Variants in TNPO1 observed in about 807,000 individuals in gnomAD.
TNPO1 encodes transportin-1.
Under a neutral mutation model 119.5 loss-of-function variants are expected in TNPO1, and 8 were observed. That is an observed-to-expected ratio of 0.07 (90% CI 0.04 to 0.12). The LOEUF (loss-of-function observed/expected upper bound fraction) is 0.12. Ranked by LOEUF, TNPO1 falls within the 10% of genes least tolerant of loss-of-function variation. The probability of loss-of-function intolerance (pLI) is 1.00; values close to 1 mark genes in which losing one functional copy is unlikely to be tolerated. For synonymous variants in TNPO1, 362 were observed against 363.0 expected (o/e 1.00, Z 0.03); for missense variants, 576 against 1,089.8 (o/e 0.53, Z 6.64).
At chr5:72,839,733 G>A (rs1744830471) in intron 1 of TNPO1, among the ~76,000 whole-genome samples, 2 of 152,150 alleles carry the variant, frequency 1.3e-5, no homozygotes, top group South Asian at 4.1e-4. Flanking sequence ...AAGAAATAAT[G>A]GAAATTGCCA....
intron 1 of TNPO1, among the ~76,000 whole-genome samples, chr5:72,826,155 A>T (rs892340841): frequency 2.0e-5 from 3 of 151,926 alleles, no homozygotes; most frequent in African/African-American, 7.3e-5. Context: ...AGATCTTACC[A>T]TCTATGAATA....
chr5:72,886,951 A>G, intron 11 of TNPO1, 119 bp from the exon 12 acceptor site: 1 of 929,376 alleles, frequency 1.1e-6, no homozygotes, highest in Non-Finnish European at 1.5e-6. Context: ...CTCCTATTCA[A>G]TTGAATTCTT....
Position 72,816,761 on chromosome 5 carries a change from C to A in TNPO1, c.15+9C>A, listed in dbSNP as rs1023196074. The A allele has an allele frequency of 1.9e-6, 3 of 1,583,048 alleles. No individual in the cohort carries two copies. The highest frequency in any genetic ancestry group is 8.6e-7 in the Non-Finnish European group (1 of 1,166,816). Reference sequence around the variant, plus strand: ...GGATGGTGTGGGACCGGGTAGGTGGCGTGAGGGTGCGCGGCCCCGAACTGC... The same window carrying A: ...GGATGGTGTGGGACCGGGTAGGTGGAGTGAGGGTGCGCGGCCCCGAACTGC... On this transcript the variant is annotated intron_variant, in intron 1 of 24. Coordinates refer to ENST00000337273, the MANE Select transcript of TNPO1 (RefSeq NM_002270.4).
intron 1 of TNPO1, among the ~76,000 whole-genome samples, chr5:72,843,614 C>T (rs2112224876): frequency 6.6e-6 from 1 of 151,326 alleles, no homozygotes; most frequent in Middle Eastern, 3.4e-3. Flanking sequence ...AAAACAAACC[C>T]AAAAAACAAA....
At chr5:72,843,593 C>CAAA (rs35891028) in intron 1 of TNPO1, among the ~76,000 whole-genome samples, 1 of 118,908 alleles carries the variant, frequency 8.4e-6, no homozygotes. Flanking sequence ...GATTCCGTCT[C>CAAA]AAAAAAAAAA....
At chr5:72,900,621 T>G (rs935222767) in intron 21 of TNPO1, among the ~76,000 whole-genome samples, 2 of 152,218 alleles carry the variant, frequency 1.3e-5, no homozygotes, top group Admixed American at 1.3e-4. Flanking sequence ...CAAATCATTT[T>G]AGTAGTGTTT....
intron 9 of TNPO1, chr5:72,878,930 T>C (rs1309148474): frequency 3.9e-6 from 2 of 508,776 alleles, no homozygotes; most frequent in Non-Finnish European, 8.0e-6. Flanking sequence ...GCAGGAAGAT[T>C]GCTTTGAAAT....
At chr5:72,880,431 C>T (rs1383857828) in intron 9 of TNPO1, among the ~76,000 whole-genome samples, 2 of 152,046 alleles carry the variant, frequency 1.3e-5, no homozygotes, top group Non-Finnish European at 2.9e-5. Flanking sequence ...GTGGATTTTC[C>T]ATGTGAAACA....
rs1353386460 is a variant in TNPO1, at chr5:72,914,197, T to G, written c.*5524T>G. The G allele has an allele frequency of 1.3e-5, 2 of 152,636 alleles. No homozygotes were observed. Among genetic ancestry groups the G allele is most frequent in the African/African-American group, 4.8e-5 (2 of 41,462 alleles). The allele number at this position is 152,636 out of a possible 1,614,324, so 9.5% of individuals were successfully genotyped here. On this transcript the variant is annotated 3_prime_UTR_variant, in exon 25 of 25. Transcript: ENST00000337273. Reference sequence around the variant, plus strand: ...TGTGCTAACAGATCTCCATTTTAAATAGAATACGGTTTTAATTTTTGATAA... The same window carrying G: ...TGTGCTAACAGATCTCCATTTTAAAGAGAATACGGTTTTAATTTTTGATAA...
At chr5:72,848,361 T>C in intron 1 of TNPO1, 24 bp from the exon 2 acceptor site, 1 of 1,605,640 alleles carries the variant, frequency 6.2e-7, no homozygotes, top group Non-Finnish European at 8.5e-7. Context: ...CTCCGTCTCT[T>C]CCTGTGTCTG....
chr5:72,825,884 C>T (rs1344847719), intron 1 of TNPO1: 2 of 152,164 alleles, frequency 1.3e-5, no homozygotes, highest in East Asian at 3.9e-4. Context: ...TATAGCAACC[C>T]GAATGGACTA....
rs139566032 is a variant in TNPO1 at position 72,844,789 on chromosome 5, T to A, written c.16-3596T>A. 2.0e-3 allele frequency among the ~76,000 whole-genome samples: 304 copies of A among 152,300 alleles called. 3 individuals are homozygous for A. Among genetic ancestry groups the A allele is most frequent in the African/African-American group, 7.1e-3 (294 of 41,576 alleles). On this transcript the variant is annotated intron_variant, in intron 1 of 24. Coordinates refer to ENST00000337273, the MANE Select transcript of TNPO1 (RefSeq NM_002270.4). ...TGGTCAGTTGAGTCCATATCTCCAG[T>A]CTGCTTTTTAAACTATATTTTACAG...
At chr5:72,880,741 G>A (rs1310915854) in intron 9 of TNPO1, among the ~76,000 whole-genome samples, 1 of 150,938 alleles carries the variant, frequency 6.6e-6, no homozygotes, top group Non-Finnish European at 1.5e-5. Flanking sequence ...GCTTGAACCC[G>A]GGAAGTGGAG....
At chr5:72,876,125 G>C (rs753109361) in intron 8 of TNPO1, among the ~76,000 whole-genome samples, 1 of 152,194 alleles carries the variant, frequency 6.6e-6, no homozygotes, top group Non-Finnish European at 1.5e-5. Context: ...AGTCAGGCGG[G>C]ACTGATTGAA....
rs1355287097 is a variant in TNPO1 at position 72,906,177 on chromosome 5, G to A, written c.*35+732G>A. Among the ~76,000 whole-genome samples, 8 of 146,970 alleles carry A rather than the reference G, an allele frequency of 5.4e-5. No homozygotes were observed. In the South Asian group the frequency reaches 1.5e-3, roughly 28 times the overall value. ...GTAACAAGGACTTTTCATTTCACGT[G>A]CTTTGAAAGAAAACTCAGTTGGGTT... On this transcript the variant is annotated intron_variant, in intron 24 of 24. Coordinates refer to ENST00000337273, the MANE Select transcript of TNPO1 (RefSeq NM_002270.4).
chr5:72,889,177 C>T (rs1334439934), intron 13 of TNPO1, among the ~76,000 whole-genome samples: 2 of 152,116 alleles, frequency 1.3e-5, no homozygotes, highest in Admixed American at 6.6e-5. Flanking sequence ...CCTGCCTCTG[C>T]CTCCTGAGTA....
intron 1 of TNPO1, among the ~76,000 whole-genome samples, chr5:72,840,827 T>C (rs1180295911): frequency 6.6e-6 from 1 of 152,200 alleles, no homozygotes; most frequent in African/African-American, 2.4e-5. Flanking sequence ...TTTTCCATTT[T>C]CTGTGTTCTG....
chr5:72,831,987 G>A (rs1247707301), intron 1 of TNPO1, among the ~76,000 whole-genome samples: 3 of 151,874 alleles, frequency 2.0e-5, no homozygotes, highest in African/African-American at 7.3e-5. Flanking sequence ...AGCCCCATCA[G>A]TTGAAGGTTA....
At chr5:72,836,121 T>C (rs981744115) in intron 1 of TNPO1, among the ~76,000 whole-genome samples, 1 of 152,204 alleles carries the variant, frequency 6.6e-6, no homozygotes, top group African/African-American at 2.4e-5. Flanking sequence ...TGCACTCCAG[T>C]GGCTCTTTCA....
Sources: gnomAD v4.1 joint callset for allele counts (sites outside exome capture counted in the v4.1 genomes callset) on GRCh38, gnomAD v4.1.1 for gene constraint, MANE v1.5 for transcripts, NCBI Gene and HGNC (gene_info 2026-07-23, HGNC 2026-07-21) for gene names.